The following DHX36 variants were observed in gnomAD, a reference collection of about 807,000 sequenced individuals.
DHX36 encodes ATP-dependent DNA/RNA helicase DHX36.
A neutral mutation model predicts 139.0 loss-of-function variants in DHX36; 50 were observed. The observed-to-expected ratio is 0.36, with a 90% CI of 0.29 to 0.46. The LOEUF is 0.46. DHX36 is among the 20% of genes least tolerant of loss of function. DHX36 has a pLI of 1.00. For missense variants in DHX36, 1,024 were observed against 1,211.3 expected (o/e 0.85, Z 2.29); for synonymous variants, 425 against 401.9 (o/e 1.06, Z -0.69).
chr3:154,310,836 T>A (rs867612580), intron 4 of DHX36, among the ~76,000 whole-genome samples: 48 of 84,966 alleles, frequency 5.6e-4, no homozygotes, highest in East Asian at 2.7e-3. Context: ...TATATATATA[T>A]ATATATATAT....
At chr3:154,289,615 G>A in intron 16 of DHX36, 94 bp downstream of exon 16, 1 of 754,630 alleles carries the variant, frequency 1.3e-6, no homozygotes, top group Admixed American at 2.3e-5. Flanking sequence ...GTTAATAATT[G>A]TTTCTTGGAG....
intron 15 of DHX36, among the ~76,000 whole-genome samples, chr3:154,290,883 C>T (rs1711772054): frequency 6.6e-6 from 1 of 151,590 alleles, no homozygotes; most frequent in East Asian, 2.0e-4. Context: ...GCCTGTAATC[C>T]CAGCACTTTG....
At chr3:154,320,715 T>C (rs1438863450) in intron 1 of DHX36, among the ~76,000 whole-genome samples, 1 of 152,142 alleles carries the variant, frequency 6.6e-6, no homozygotes, top group East Asian at 1.9e-4. Context: ...ATAAAATACA[T>C]CACAAAATCA....
intron 4 of DHX36, among the ~76,000 whole-genome samples, chr3:154,310,295 A>G (rs541861991): frequency 3.9e-5 from 6 of 152,184 alleles, no homozygotes; most frequent in Non-Finnish European, 7.3e-5. Flanking sequence ...ATTAAAATAA[A>G]GTCATTGAAT....
intron 15 of DHX36, 73 bp downstream of exon 15, chr3:154,292,478 A>C: frequency 1.9e-6 from 3 of 1,568,190 alleles, no homozygotes; most frequent in Non-Finnish European, 2.6e-6. Context: ...AATATCTTTA[A>C]ATGCCAACAT....
chr3:154,304,783 T>C (rs1303617900), intron 8 of DHX36, 23 bp downstream of exon 8: 1 of 1,492,710 alleles, frequency 6.7e-7, no homozygotes, highest in Non-Finnish European at 8.9e-7. Context: ...TTTTCTAATG[T>C]AATAACTATA....
chr3:154,310,831 ATATATATATATATATATATAT>A (rs1712731366), intron 4 of DHX36, among the ~76,000 whole-genome samples: 1 of 45,416 alleles, frequency 2.2e-5, no homozygotes, highest in Non-Finnish European at 3.7e-5. Context: ...ATATATATAT[ATATATATATATATATATATAT>A]GTATATACAT....
At position 154,277,676 on chromosome 3, in the gene DHX36, A is replaced by G; in HGVS notation, c.2610T>C (p.His870=). 6.2e-7 allele frequency: 1 copy of G among 1,611,668 alleles called. No homozygotes were observed. Among genetic ancestry groups the G allele is most frequent in the South Asian group, 1.1e-5 (1 of 90,770 alleles). ...YTKTDGLVAV[H]PKSVNVEQTD... is the part of the protein sequence containing the mutation. ...TTTGCTCCACATTAACAGATTTAGG[A>G]TGAACAGCAACCAGGCCATCGGTTT... Residue 870 remains histidine (H), a synonymous_variant, in exon 23 of 25, where the codon CAT becomes CAC. Transcript: ENST00000496811.
intron 12 of DHX36, among the ~76,000 whole-genome samples, chr3:154,297,289 T>C (rs1283423113): frequency 6.6e-6 from 1 of 152,234 alleles, no homozygotes; most frequent in East Asian, 1.9e-4. Flanking sequence ...ATGATGGTTA[T>C]ATAGAAAATT....
At chr3:154,317,897 C>A (rs1296786910) in intron 1 of DHX36, among the ~76,000 whole-genome samples, 1 of 151,962 alleles carries the variant, frequency 6.6e-6, no homozygotes, top group African/African-American at 2.4e-5. Context: ...CAAGTAATTT[C>A]ACAAAATACT....
chr3:154,281,448 AGTCTTCTAAATAAAT>A (rs905917712), intron 20 of DHX36, among the ~76,000 whole-genome samples: 15 of 152,032 alleles, frequency 9.9e-5, no homozygotes, highest in African/African-American at 3.6e-4. Context: ...CTCAATACTC[AGTCTTCTAAATAAAT>A]AAGATTGCAG....
rs1308443938 is a variant in DHX36, at chr3:154,305,100, G to A, written c.962C>T (p.Ser321Leu). ...TTGIILQWLQ[S>L]DPYLSSVSHI... is the part of the protein sequence containing the mutation. ...TTAATTGAAACATACTCACGGGTCT[G>A]ACTGGAGCCACTGAAGGATGATTCC... Residue 321 changes from serine to leucine, a missense_variant, in exon 7 of 25, where the codon TCA (serine) becomes TTA (leucine). By Grantham distance (145) the Ser-to-Leu change is moderately radical. Coordinates refer to ENST00000496811, the MANE Select transcript of DHX36 (RefSeq NM_020865.3). The A allele has an allele frequency of 6.2e-7, 1 of 1,613,488 alleles. No homozygotes were observed. The highest frequency in any genetic ancestry group is 1.1e-5 in the South Asian group (1 of 90,934).
intron 5 of DHX36, among the ~76,000 whole-genome samples, chr3:154,307,606 C>G (rs543973515): frequency 6.6e-6 from 1 of 152,008 alleles, no homozygotes; most frequent in East Asian, 1.9e-4. Flanking sequence ...ATTAAAGAGT[C>G]AAAAAATAAT....
At chr3:154,305,054 T>C in intron 7 of DHX36, 40 bp downstream of exon 7, 1 of 1,592,026 alleles carries the variant, frequency 6.3e-7, no homozygotes. Context: ...AATTACATCT[T>C]TTGATAACAC....
intron 3 of DHX36, among the ~76,000 whole-genome samples, chr3:154,312,754 A>C (rs1167813342): frequency 1.3e-5 from 2 of 149,320 alleles, no homozygotes; most frequent in Non-Finnish European, 3.0e-5. Flanking sequence ...AGGCAGGAGA[A>C]TTGGTGGAGG....
intron 3 of DHX36, among the ~76,000 whole-genome samples, chr3:154,314,229 G>C (rs1712875188): frequency 6.6e-6 from 1 of 152,130 alleles, no homozygotes; most frequent in Non-Finnish European, 1.5e-5. Flanking sequence ...TACACAATTT[G>C]GCCCTGGACA....
intron 3 of DHX36, chr3:154,314,765 A>G: frequency 3.7e-6 from 1 of 268,236 alleles, no homozygotes; most frequent in Middle Eastern, 1.2e-3. Context: ...AAACTGGCCT[A>G]GAAAAGCTGA....
chr3:154,306,435 G>T, intron 5 of DHX36, 140 bp from the exon 6 acceptor site: 1 of 685,092 alleles, frequency 1.5e-6, no homozygotes, highest in Non-Finnish European at 2.4e-6. Flanking sequence ...AAAATCTGAG[G>T]TATCTAAAAC....
At chr3:154,277,099 T>A (rs189113801) in intron 23 of DHX36, among the ~76,000 whole-genome samples, 200 bp from the exon 24 acceptor site, 1 of 152,196 alleles carries the variant, frequency 6.6e-6, no homozygotes, top group Non-Finnish European at 1.5e-5. Context: ...TATTTTAATA[T>A]TTTTTAGTTT....
Sources: allele counts gnomAD v4.1 joint callset (sites outside exome capture counted in the v4.1 genomes callset), GRCh38; gene constraint gnomAD v4.1.1; transcripts MANE v1.5; gene names NCBI Gene and HGNC (gene_info 2026-07-23, HGNC 2026-07-21).